The following DPP6 variants were observed in gnomAD, a reference collection of about 807,000 sequenced individuals.
DPP6 encodes the protein A-type potassium channel modulatory protein DPP6.
In DPP6, 69 loss-of-function variants were observed where a neutral mutation model predicts 122.6. The ratio of observed to expected loss-of-function variants is 0.56; its 90% confidence interval spans 0.46 to 0.69. The LOEUF (loss-of-function observed/expected upper bound fraction) is 0.69, where lower values mean the gene tolerates loss of function less well. Ranked by LOEUF, DPP6 falls within the 30% of genes least tolerant of loss-of-function variation. DPP6 has a pLI of 0.00. For synonymous variants in DPP6, 418 were observed against 433.1 expected (o/e 0.97, Z 0.43); for missense variants, 928 against 1,116.9 (o/e 0.83, Z 2.41).
chr7:154,022,547 T>C (rs1381859429), intron 1 of DPP6, among the ~76,000 whole-genome samples: 7 of 152,168 alleles, frequency 4.6e-5, no homozygotes, highest in Non-Finnish European at 8.8e-5. Context: ...TAATATGTGA[T>C]TGAAAGATGC....
chr7:154,317,307 T>C (rs1807519613), intron 1 of DPP6, among the ~76,000 whole-genome samples: 1 of 152,068 alleles, frequency 6.6e-6, no homozygotes, highest in South Asian at 2.1e-4. Flanking sequence ...CCATCCTGGC[T>C]AACATGGTGA....
At chr7:154,166,201 G>A (rs1174830547) in intron 1 of DPP6, among the ~76,000 whole-genome samples, 1 of 152,054 alleles carries the variant, frequency 6.6e-6, no homozygotes, top group Non-Finnish European at 1.5e-5. Context: ...TCAATCAGAG[G>A]TGCTCCATGA....
At chr7:154,111,012 T>C (rs930405674) in intron 1 of DPP6, among the ~76,000 whole-genome samples, 4 of 152,194 alleles carry the variant, frequency 2.6e-5, no homozygotes, top group African/African-American at 9.7e-5. Context: ...ATGTATCTGC[T>C]GTGTCTGTGG....
intron 1 of DPP6, among the ~76,000 whole-genome samples, chr7:154,283,515 A>C (rs1804660729): frequency 6.6e-6 from 1 of 152,132 alleles, no homozygotes; most frequent in Non-Finnish European, 1.5e-5. Context: ...AGGCTAAGCA[A>C]TATCCGAGGC....
In DPP6 at chr7:154,154,450, T is replaced by C. The variant is rs373580905; in HGVS notation, c.243+101387T>C. On this transcript the variant is annotated intron_variant, in intron 1 of 25. Coordinates refer to ENST00000377770, the MANE Select transcript of DPP6 (RefSeq NM_130797.4). ...CATCCACTCCTTCCCACCTTTCCCA[T>C]GTCAGATCTTCTACAAAGCAAACTG... Among the ~76,000 whole-genome samples the C allele has an allele frequency of 4.0e-3, 610 of 151,786 alleles. 3 individuals are homozygous for C. Among genetic ancestry groups the C allele is most frequent in the South Asian group, 0.014 (67 of 4,808 alleles).
chr7:154,317,596 G>C (rs375286103), intron 1 of DPP6, among the ~76,000 whole-genome samples: 20 of 152,176 alleles, frequency 1.3e-4, no homozygotes, highest in African/African-American at 4.1e-4. Context: ...GTATATAATT[G>C]CATGTAAAAT....
chr7:154,040,754 A>C (rs1284762580), intron 1 of DPP6, among the ~76,000 whole-genome samples: 5 of 152,202 alleles, frequency 3.3e-5, no homozygotes, highest in African/African-American at 9.7e-5. Flanking sequence ...TAGGGGCTGG[A>C]ACATTTTTCC....
At chr7:154,342,998 C>G (rs1387708999) in intron 1 of DPP6, among the ~76,000 whole-genome samples, 1 of 152,220 alleles carries the variant, frequency 6.6e-6, no homozygotes, top group Admixed American at 6.5e-5. Flanking sequence ...CACTTGAAGG[C>G]ATTTCAAACC....
intron 1 of DPP6, among the ~76,000 whole-genome samples, chr7:154,053,930 C>T (rs1019002609): frequency 9.5e-5 from 14 of 148,040 alleles, no homozygotes; most frequent in Non-Finnish European, 1.8e-4. Flanking sequence ...CCTGTGGATC[C>T]CTTTCAAGGA....
At chr7:154,201,919 A>G (rs7778554) in intron 1 of DPP6, among the ~76,000 whole-genome samples, 3,468 of 152,304 alleles carry the variant, frequency 0.023, 133 homozygotes, top group African/African-American at 0.078. Flanking sequence ...TTGTTAAATC[A>G]TTGCAATAAT....
intron 1 of DPP6, among the ~76,000 whole-genome samples, chr7:154,283,217 G>T (rs564648394): frequency 6.6e-6 from 1 of 152,114 alleles, no homozygotes; most frequent in African/African-American, 2.4e-5. Flanking sequence ...AGACAGAAGC[G>T]AGTAGAGGCT....
the DPP6 span, among the ~76,000 whole-genome samples, chr7:153,837,517 T>C: frequency 6.6e-6 from 1 of 152,218 alleles, no homozygotes; most frequent in Non-Finnish European, 1.5e-5. Flanking sequence ...CTCATCTTTG[T>C]GCCATGCTAC....
intron 1 of DPP6, among the ~76,000 whole-genome samples, chr7:153,991,555 C>G (rs1419240881): frequency 6.6e-6 from 1 of 152,172 alleles, no homozygotes; most frequent in African/African-American, 2.4e-5. Flanking sequence ...AGTCTTCTTT[C>G]CCCTGGTTAC....
intron 1 of DPP6, among the ~76,000 whole-genome samples, chr7:153,921,562 C>T (rs371365559): frequency 8.5e-5 from 13 of 152,264 alleles, no homozygotes; most frequent in African/African-American, 2.4e-4. Context: ...AAGTGTGTGA[C>T]GTGTCTGCCC....
chr7:154,712,116 A>C (rs1841225852), intron 7 of DPP6, among the ~76,000 whole-genome samples: 1 of 152,184 alleles, frequency 6.6e-6, no homozygotes, highest in African/African-American at 2.4e-5. Context: ...AACCCAGCCA[A>C]CTCACATGCT....
intron 1 of DPP6, among the ~76,000 whole-genome samples, chr7:153,982,884 C>A (rs889292075): frequency 6.6e-6 from 1 of 152,246 alleles, no homozygotes; most frequent in African/African-American, 2.4e-5. Context: ...GGCTGCAGAA[C>A]AGCAAAGATT....
At position 154,885,758 on chromosome 7, in the gene DPP6, C is replaced by A. The variant is rs1392730966; in HGVS notation, c.2245+14C>A. The A allele has an allele frequency of 2.5e-6, 4 of 1,572,218 alleles. No individual in the cohort carries two copies. The highest frequency in any genetic ancestry group is 3.5e-6 in the Non-Finnish European group (4 of 1,158,760). On this transcript the variant is annotated intron_variant, in intron 22 of 25. Transcript: ENST00000377770. ...TCAAACTCTATGGTAAATAGCCCTG[C>A]AGGACCAAGCGACGGGCTCTGCTCC... is the stretch of plus-strand genomic sequence containing the variant.
rs542752732 is a variant in DPP6, at chr7:154,753,692, A to T, written c.884-15725A>T. Among the ~76,000 whole-genome samples, 232 of 152,244 alleles carry T rather than the reference A, an allele frequency of 1.5e-3. 1 individual carries two copies. Among genetic ancestry groups the T allele is most frequent in the African/African-American group, 4.2e-3 (173 of 41,544 alleles). On this transcript the variant is annotated intron_variant, in intron 8 of 25. Coordinates refer to ENST00000377770, the MANE Select transcript of DPP6 (RefSeq NM_130797.4). ...TCAGGCTAGTTCCGTAACCCGGGAA[A>T]TTTTGAGGATGGAAAAGGGCAGGGA...
intron 1 of DPP6, among the ~76,000 whole-genome samples, chr7:154,354,816 A>C (rs1293195451): frequency 6.6e-6 from 1 of 152,160 alleles, no homozygotes; most frequent in Non-Finnish European, 1.5e-5. Context: ...TCCAGACTTG[A>C]TCATTATGCA....
Sources: gnomAD v4.1 joint callset for allele counts (sites outside exome capture counted in the v4.1 genomes callset) on GRCh38, gnomAD v4.1.1 for gene constraint, MANE v1.5 for transcripts, NCBI Gene and HGNC (gene_info 2026-07-23, HGNC 2026-07-21) for gene names.